B3GALT1: variants seen among roughly 807,000 people sequenced by gnomAD.
The protein encoded by B3GALT1 is beta-1,3-galactosyltransferase 1, also known as UDP-Gal:betaGlcNAc beta 1,3-galactosyltransferase, polypeptide 1.
Under a neutral mutation model 23.2 loss-of-function variants are expected in B3GALT1, and 10 were observed. The ratio of observed to expected loss-of-function variants is 0.43; its 90% confidence interval spans 0.27 to 0.73. B3GALT1 has a LOEUF of 0.73. Ranked by LOEUF, B3GALT1 falls within the 30% of genes least tolerant of loss-of-function variation. The pLI, the probability that B3GALT1 is intolerant of heterozygous loss-of-function variation, is 0.21. For missense variants in B3GALT1, 299 were observed against 405.4 expected (o/e 0.74, Z 2.25); for synonymous variants, 156 against 141.5 (o/e 1.10, Z -0.73).
chr2:167,686,577 T>C (rs1207168306), intron 3 of B3GALT1, among the ~76,000 whole-genome samples: 2 of 152,216 alleles, frequency 1.3e-5, no homozygotes, highest in African/African-American at 4.8e-5. Context: ...GATTTTGTTT[T>C]TGTTTTCAAT....
In B3GALT1 at chr2:167,807,112, A is replaced by G. The variant is rs578191648; in HGVS notation, c.-351-11560A>G. ...CTAGTTTATTTGCGTAGAGGTGTTT[A>G]TAGTATTCTCTGATGGTAGTTTGTA... On this transcript the variant is annotated intron_variant, in intron 3 of 4. Transcript: ENST00000392690. 7.4e-3 allele frequency among the ~76,000 whole-genome samples: 1,121 copies of G among 152,222 alleles called. 11 individuals are homozygous for G. The highest frequency in any genetic ancestry group is 0.01 in the Non-Finnish European group (685 of 68,004).
chr2:167,739,899 T>C (rs1300707956), intron 3 of B3GALT1, among the ~76,000 whole-genome samples: 2 of 142,868 alleles, frequency 1.4e-5, no homozygotes, highest in Admixed American at 7.7e-5. Flanking sequence ...GAGACCACTC[T>C]GGGCAACACA....
chr2:167,787,440 C>T (rs539615219), intron 3 of B3GALT1, among the ~76,000 whole-genome samples: 4 of 152,280 alleles, frequency 2.6e-5, no homozygotes, highest in African/African-American at 9.6e-5. Context: ...GATGCTAATG[C>T]AAGGGAGTAG....
chr2:167,532,615 GA>G (rs34228417), intron 2 of B3GALT1, among the ~76,000 whole-genome samples: 70,101 of 150,570 alleles, frequency 0.47, 17,448 homozygotes, highest in East Asian at 0.88. Context: ...TGGAAAAGGA[GA>G]AAAAAAAATA....
At chr2:167,340,651 G>A (rs1559069932) in intron 1 of B3GALT1, among the ~76,000 whole-genome samples, 2 of 152,144 alleles carry the variant, frequency 1.3e-5, no homozygotes, top group African/African-American at 2.4e-5. Context: ...TCTTTTCATG[G>A]CTCCTTTAAG....
chr2:167,312,875 C>T (rs12615782), intron 1 of B3GALT1, among the ~76,000 whole-genome samples: 1 of 151,948 alleles, frequency 6.6e-6, no homozygotes, highest in Non-Finnish European at 1.5e-5. Flanking sequence ...GGTACTGTTA[C>T]AATTTTTTAA....
chr2:167,536,340 A>T (rs2105370963), intron 2 of B3GALT1, among the ~76,000 whole-genome samples: 1 of 152,290 alleles, frequency 6.6e-6, no homozygotes, highest in African/African-American at 2.4e-5. Context: ...GGGAAGAGGG[A>T]ATAAAAGAAA....
intron 3 of B3GALT1, among the ~76,000 whole-genome samples, chr2:167,657,698 T>C (rs1055412878): frequency 1.3e-4 from 20 of 152,118 alleles, no homozygotes; most frequent in African/African-American, 4.8e-4. Context: ...TACCTATCAA[T>C]AGTGATAGGT....
chr2:167,717,806 T>A (rs1229236052), intron 3 of B3GALT1, among the ~76,000 whole-genome samples: 1 of 152,214 alleles, frequency 6.6e-6, no homozygotes, highest in Non-Finnish European at 1.5e-5. Context: ...AATTAATTCT[T>A]TTTCCAGCCA....
At chr2:167,480,462 T>C (rs1306400128) in intron 1 of B3GALT1, among the ~76,000 whole-genome samples, 1 of 152,190 alleles carries the variant, frequency 6.6e-6, no homozygotes. Context: ...CAGCTAGGGC[T>C]GCCCACTCTG....
At chr2:167,641,706 G>C (rs1470425434) in intron 2 of B3GALT1, among the ~76,000 whole-genome samples, 1 of 152,004 alleles carries the variant, frequency 6.6e-6, no homozygotes, top group Non-Finnish European at 1.5e-5. Flanking sequence ...CCCTGTAATG[G>C]GACTGGCCTT....
Position 167,651,810 on chromosome 2 carries a change from C to T in B3GALT1, c.-352+4844C>T, listed in dbSNP as rs377377266. Among the ~76,000 whole-genome samples the T allele has an allele frequency of 3.9e-5, 6 of 152,046 alleles. No individual in the cohort carries two copies. In the South Asian group the frequency reaches 6.2e-4, roughly 16 times the overall value. ...TGGAAGTTAAATAGTAATTCAGCAA[C>T]GACCCTAGAGTTCTGCTCCCTGGGA... On this transcript the variant is annotated intron_variant, in intron 3 of 4. Coordinates refer to ENST00000392690, the MANE Select transcript of B3GALT1 (RefSeq NM_020981.4).
chr2:167,720,351 T>G (rs1244657533), intron 3 of B3GALT1, among the ~76,000 whole-genome samples: 1 of 152,078 alleles, frequency 6.6e-6, no homozygotes, highest in East Asian at 1.9e-4. Context: ...TGGGGGGAAG[T>G]TAAAACATTC....
At chr2:167,498,277 TC>T (rs1221639017) in intron 2 of B3GALT1, among the ~76,000 whole-genome samples, 2 of 152,162 alleles carry the variant, frequency 1.3e-5, no homozygotes, top group Non-Finnish European at 2.9e-5. Flanking sequence ...TTTTTTTCAT[TC>T]AAAAACCTGG....
At chr2:167,460,278 G>T (rs1275926297) in intron 1 of B3GALT1, among the ~76,000 whole-genome samples, 1 of 152,070 alleles carries the variant, frequency 6.6e-6, no homozygotes, top group Non-Finnish European at 1.5e-5. Flanking sequence ...GTCTCTTACG[G>T]TCTGTTCACT....
intron 2 of B3GALT1, among the ~76,000 whole-genome samples, chr2:167,513,197 G>T (rs1368640622): frequency 6.6e-6 from 1 of 150,688 alleles, no homozygotes; most frequent in African/African-American, 2.4e-5. Flanking sequence ...TAAAATAACA[G>T]AAATTTTACA....
chr2:167,642,996 A>G lies in B3GALT1; in HGVS notation c.-409-3913A>G, dbSNP rs114018056. ...CAACAAAAAAACTAAGACCATAGTT[A>G]TGTGTAAGGATGTAAAGAACCTGCC... On this transcript the variant is annotated intron_variant, in intron 2 of 4. Coordinates refer to ENST00000392690, the MANE Select transcript of B3GALT1 (RefSeq NM_020981.4). Among the ~76,000 whole-genome samples, 505 of 152,320 alleles carry G rather than the reference A, an allele frequency of 3.3e-3. 4 individuals are homozygous for G. Among genetic ancestry groups the G allele is most frequent in the African/African-American group, 0.012 (484 of 41,564 alleles).
intron 4 of B3GALT1, among the ~76,000 whole-genome samples, chr2:167,837,095 G>A (rs951845662): frequency 4.3e-4 from 66 of 152,280 alleles, no homozygotes; most frequent in Non-Finnish European, 2.4e-4. Context: ...AAAGACCATC[G>A]AGGCTAGGAA....
At chr2:167,832,176 A>G (rs1689366299) in intron 4 of B3GALT1, among the ~76,000 whole-genome samples, 1 of 152,196 alleles carries the variant, frequency 6.6e-6, no homozygotes, top group African/African-American at 2.4e-5. Flanking sequence ...CTGATGTTCA[A>G]CCATTTTTAA....
Sources: allele counts gnomAD v4.1 joint callset (sites outside exome capture counted in the v4.1 genomes callset), GRCh38; gene constraint gnomAD v4.1.1; transcripts MANE v1.5; gene names NCBI Gene and HGNC (gene_info 2026-07-23, HGNC 2026-07-21).